PRH1: variants seen among roughly 807,000 people sequenced by gnomAD.
The protein encoded by PRH1 is proline rich protein HaeIII subfamily 1, also known as salivary acidic proline-rich phosphoprotein 1/2.
In PRH1, 7 loss-of-function variants were observed where a neutral mutation model predicts 7.9. That is an observed-to-expected ratio of 0.89 (90% confidence interval 0.50 to 1.67). The LOEUF is 1.67. PRH1 is among the 40% of genes most tolerant of loss of function. The pLI, the probability that PRH1 is intolerant of heterozygous loss-of-function variation, is 0.00. For synonymous variants in PRH1, 45 were observed against 80.8 expected, an observed-to-expected ratio of 0.56 and a Z score of 2.38; for missense variants, 109 against 223.6, an observed-to-expected ratio of 0.49 and a Z score of 3.27.
At chr12:10,982,322 T>C (rs925674188) in intron 1 of PRH1, among the ~76,000 whole-genome samples, 7 of 152,230 alleles carry the variant, frequency 4.6e-5, no homozygotes, top group African/African-American at 1.7e-4. Flanking sequence ...GTCCATTTTA[T>C]ATCTTTATTC....
intron 2 of PRH1, among the ~76,000 whole-genome samples, chr12:10,926,994 CCAGA>C (rs1305027218): frequency 4.6e-5 from 7 of 152,140 alleles, no homozygotes; most frequent in Admixed American, 2.0e-4. Context: ...ACACTCACTC[CCAGA>C]CAGTGTCCCT....
chr12:11,071,213 A>C (rs1377551898), intron 1 of PRH1, among the ~76,000 whole-genome samples: 26 of 151,540 alleles, frequency 1.7e-4, no homozygotes, highest in African/African-American at 5.8e-4. Context: ...GGACCAGGAA[A>C]TTCCAGGCTC....
At chr12:10,997,649 G>C in intron 1 of PRH1, 1 of 1,613,576 alleles carries the variant, frequency 6.2e-7, no homozygotes, top group Non-Finnish European at 8.5e-7. Context: ...TTTTAAATTA[G>C]ATGAAGTTGG....
At chr12:11,133,779 T>C (rs769179305) in intron 1 of PRH1, 15 of 1,614,192 alleles carry the variant, frequency 9.3e-6, no homozygotes, top group Non-Finnish European at 1.1e-5. Context: ...TCATATTCTT[T>C]TGTCCATACA....
At chr12:11,136,210 C>T (rs1204891080) in intron 1 of PRH1, among the ~76,000 whole-genome samples, 1 of 152,178 alleles carries the variant, frequency 6.6e-6, no homozygotes, top group Non-Finnish European at 1.5e-5. Flanking sequence ...GTCTGGCCTG[C>T]TTTGAACTCT....
chr12:10,995,230 C>G (rs558095783), intron 1 of PRH1, among the ~76,000 whole-genome samples: 307 of 152,232 alleles, frequency 2.0e-3, no homozygotes, highest in African/African-American at 7.2e-3. Context: ...TTTTTCAATA[C>G]CTATTCTATG....
chr12:11,158,127 A>G (rs1321037256), intron 1 of PRH1, among the ~76,000 whole-genome samples: 1 of 152,162 alleles, frequency 6.6e-6, no homozygotes, highest in Non-Finnish European at 1.5e-5. Flanking sequence ...CTCAAACAAC[A>G]GTGCTGGGTT....
chr12:10,927,326 C>T (rs923799780), intron 2 of PRH1, among the ~76,000 whole-genome samples: 2 of 152,126 alleles, frequency 1.3e-5, no homozygotes, highest in Non-Finnish European at 2.9e-5. Context: ...ATCACCAAGG[C>T]AGGACTGCTC....
At chr12:11,029,868 C>T (rs759496554) in intron 1 of PRH1, among the ~76,000 whole-genome samples, 88 of 152,114 alleles carry the variant, frequency 5.8e-4, no homozygotes, top group Non-Finnish European at 9.9e-4. Context: ...AATAGAAATT[C>T]ATAATGGAAT....
At chr12:10,916,051 C>G (rs1466560781) in intron 2 of PRH1, among the ~76,000 whole-genome samples, 3 of 152,164 alleles carry the variant, frequency 2.0e-5, no homozygotes, top group Non-Finnish European at 2.9e-5. Context: ...AATGAACTCA[C>G]AGTTCTACAT....
chr12:11,062,449 A>C (rs1029107045), intron 1 of PRH1, among the ~76,000 whole-genome samples: 5 of 152,118 alleles, frequency 3.3e-5, no homozygotes, highest in Non-Finnish European at 7.4e-5. Flanking sequence ...GTGTCAAGCC[A>C]GAAATCACCA....
rs150378343 is a variant in PRH1 at position 10,953,997 on chromosome 12, A to G, written c.-59+19658T>C. ...AAAAGAATGTCCGACCAAGAATTTC[A>G]TATCCAGCCAAACTAAACTTCATAA... On this transcript the variant is annotated intron_variant, in intron 2 of 3. Coordinates refer to the PRH1 transcript ENST00000539853. 8.4e-3 allele frequency among the ~76,000 whole-genome samples: 1,282 copies of G among 152,348 alleles called. 28 individuals carry two copies. The highest frequency in any genetic ancestry group is 0.03 in the African/African-American group (1,231 of 41,578).
At position 10,986,583 on chromosome 12, in the gene PRH1, T is replaced by TG. The variant is rs765182222; in HGVS notation, c.-125-12863dup. 12 of 1,614,000 alleles carry TG rather than the reference T, an allele frequency of 7.4e-6. No homozygotes were observed. The South Asian group carries it at 1.3e-4, about 18-fold the overall frequency. ...GTTAGCAGCAAGCCACATGCTGAAA[T>TG]GGTTGGTTACAACCCAGGCATTATA... is the stretch of plus-strand genomic sequence containing the variant. On this transcript the variant is annotated intron_variant, in intron 1 of 3. Transcript: ENST00000539853.
intron 1 of PRH1, among the ~76,000 whole-genome samples, chr12:10,989,402 T>C (rs571163675): frequency 6.6e-6 from 1 of 152,342 alleles, no homozygotes; most frequent in East Asian, 1.9e-4. Flanking sequence ...TGAATAATTC[T>C]AGTATGACCA....
chr12:11,122,957 C>T (rs1945961616), intron 1 of PRH1, among the ~76,000 whole-genome samples: 1 of 152,164 alleles, frequency 6.6e-6, no homozygotes, highest in South Asian at 2.1e-4. Flanking sequence ...TTCTTCACAC[C>T]TCTTATGATA....
intron 1 of PRH1, chr12:11,030,907 T>G (rs115707514): frequency 6.8e-7 from 1 of 1,461,462 alleles, no homozygotes; most frequent in Non-Finnish European, 9.2e-7. Context: ...TCACAAAAAG[T>G]TGACAAGCCA....
chr12:11,051,102 G>A (rs7966304), upstream of PRH1, among the ~76,000 whole-genome samples: 27,748 of 135,810 alleles, frequency 0.2, 499 homozygotes, highest in Non-Finnish European at 0.26. Context: ...AAAAACTTAA[G>A]TGATATAGGT....
intron 1 of PRH1, among the ~76,000 whole-genome samples, chr12:11,141,625 GATA>G (rs1219002238): frequency 1.3e-5 from 2 of 152,148 alleles, no homozygotes; most frequent in Non-Finnish European, 2.9e-5. Flanking sequence ...AAATACAGAT[GATA>G]ATAATATTCT....
chr12:10,884,700 A>G (rs1406221639), upstream of PRH1, among the ~76,000 whole-genome samples: 1 of 152,106 alleles, frequency 6.6e-6, no homozygotes, highest in East Asian at 1.9e-4. Context: ...GCCTCTTTCC[A>G]TCTCTCATGA....
Sources: allele counts gnomAD v4.1 joint callset (sites outside exome capture counted in the v4.1 genomes callset), GRCh38; gene constraint gnomAD v4.1.1; transcripts MANE v1.5; gene names NCBI Gene and HGNC (gene_info 2026-07-23, HGNC 2026-07-21).